Variants in AMZ1 observed in about 807,000 individuals in gnomAD.
AMZ1 encodes the protein archaemetzincin-1.
In AMZ1, 39 loss-of-function variants were observed where a neutral mutation model predicts 29.9. That is an observed-to-expected ratio of 1.30 (90% CI 1.01 to 1.70). AMZ1 has a LOEUF of 1.70. Among genes scored for constraint, AMZ1 ranks in the 40% most tolerant of loss-of-function variants. The pLI is 0.00. For synonymous variants in AMZ1, 458 were observed against 304.0 expected (o/e 1.51, Z -5.27); for missense variants, 1,041 against 680.6 (o/e 1.53, Z -5.89).
intron 4 of AMZ1, among the ~76,000 whole-genome samples, chr7:2,727,182 A>G (rs1370195418): frequency 1.3e-5 from 2 of 152,106 alleles, no homozygotes; most frequent in Admixed American, 1.3e-4. Context: ...ACCGGGTTCA[A>G]GCGATTCTCC....
At chr7:2,732,644 C>T (rs1304419579) in intron 4 of AMZ1, among the ~76,000 whole-genome samples, 6 of 152,178 alleles carry the variant, frequency 3.9e-5, no homozygotes, top group East Asian at 3.8e-4. Context: ...ACACCAAACA[C>T]GGACATGATC....
downstream of AMZ1, among the ~76,000 whole-genome samples, chr7:2,721,779 G>A (rs1362090379): frequency 6.6e-6 from 1 of 151,630 alleles, no homozygotes; most frequent in Non-Finnish European, 1.5e-5. Flanking sequence ...CTTCTCAGCA[G>A]TGGCGGGGGA....
At chr7:2,744,299 C>A (rs1273953360) in intron 4 of AMZ1, among the ~76,000 whole-genome samples, 1 of 152,184 alleles carries the variant, frequency 6.6e-6, no homozygotes, top group South Asian at 2.1e-4. Context: ...CTCACACGGC[C>A]GGGTACTCCT....
intron 2 of AMZ1, among the ~76,000 whole-genome samples, chr7:2,701,331 C>G (rs73283139): frequency 0.032 from 4,838 of 152,238 alleles, 266 homozygotes; most frequent in African/African-American, 0.11. Flanking sequence ...ACCTGTGTGA[C>G]TGGCAGAGCT....
intron 6 of AMZ1, among the ~76,000 whole-genome samples, chr7:2,710,535 C>T (rs371832652): frequency 1.9e-4 from 29 of 152,204 alleles, no homozygotes; most frequent in Non-Finnish European, 3.8e-4. Flanking sequence ...CCGGACCGAG[C>T]CTGTCAGAAT....
chr7:2,687,582 T>G (rs147006150), upstream of AMZ1, among the ~76,000 whole-genome samples: 833 of 152,298 alleles, frequency 5.5e-3, 15 homozygotes, highest in African/African-American at 0.019. Flanking sequence ...GTCCTTTCCA[T>G]CTCCTGGTGG....
intron 4 of AMZ1, among the ~76,000 whole-genome samples, chr7:2,747,903 T>C: frequency 6.6e-6 from 1 of 151,836 alleles, no homozygotes; most frequent in African/African-American, 2.4e-5. Context: ...TGAACTCCCA[T>C]TCACAATTGC....
chr7:2,716,904 G>T lies in AMZ1; in HGVS notation c.*4026G>T, dbSNP rs994473992. Among the ~76,000 whole-genome samples the T allele has an allele frequency of 1.3e-5, 2 of 152,216 alleles. No individual in the cohort carries two copies. Among genetic ancestry groups the T allele is most frequent in the African/African-American group, 4.8e-5 (2 of 41,462 alleles). ...TGGGAAGGGCTGGAGCCTCAGAAAC[G>T]GCAGAGCGGAAGTTGAGGCGCAGTC... is the stretch of plus-strand genomic sequence containing the variant. On this transcript the variant is annotated 3_prime_UTR_variant, in exon 7 of 7. Transcript: ENST00000683327.
chr7:2,758,528 G>A (rs190584986), intron 4 of AMZ1, among the ~76,000 whole-genome samples: 10 of 152,212 alleles, frequency 6.6e-5, no homozygotes, highest in Middle Eastern at 3.4e-3. Flanking sequence ...GTGATGGAAC[G>A]TATCTCCTGT....
intron 4 of AMZ1, among the ~76,000 whole-genome samples, chr7:2,734,185 G>A (rs1008782072): frequency 3.9e-5 from 6 of 152,346 alleles, no homozygotes; most frequent in Admixed American, 6.5e-5. Context: ...CCCCGTTTCA[G>A]GAAGCGCTGA....
Position 2,734,256 on chromosome 7 carries a change from C to T in AMZ1, n.550+24440C>T, listed in dbSNP as rs993084252. On this transcript the variant is annotated intron_variant and non_coding_transcript_variant, in intron 4 of 4. Coordinates refer to the AMZ1 transcript ENST00000489665. ...GAGCCGGGAGAGCGCAACCACCGACCACAGAGCAGCCCGCATATGAACAGG... is the reference window on the plus strand; with the variant it reads ...GAGCCGGGAGAGCGCAACCACCGACTACAGAGCAGCCCGCATATGAACAGG... 7.2e-5 allele frequency among the ~76,000 whole-genome samples: 11 copies of T among 152,188 alleles called. No homozygotes were observed. In the East Asian group the frequency reaches 1.9e-3, roughly 27 times the overall value.
At chr7:2,752,925 T>C (rs1382239768) in intron 4 of AMZ1, among the ~76,000 whole-genome samples, 1 of 152,188 alleles carries the variant, frequency 6.6e-6, no homozygotes, top group Non-Finnish European at 1.5e-5. Context: ...CCTGTCTAGA[T>C]TTGTGTAACC....
downstream of AMZ1, among the ~76,000 whole-genome samples, chr7:2,724,552 C>A (rs1289079563): frequency 6.6e-6 from 1 of 152,062 alleles, no homozygotes; most frequent in Non-Finnish European, 1.5e-5. Context: ...TCCCACCCCA[C>A]CCACGAGGGC....
intron 4 of AMZ1, among the ~76,000 whole-genome samples, chr7:2,755,304 G>C (rs1371358419): frequency 2.0e-5 from 3 of 152,170 alleles, no homozygotes; most frequent in African/African-American, 7.2e-5. Context: ...ATCTTGCTGC[G>C]ATTTTCACAG....
chr7:2,754,819 G>C (rs1212707421), intron 4 of AMZ1, among the ~76,000 whole-genome samples: 2 of 152,158 alleles, frequency 1.3e-5, no homozygotes. Flanking sequence ...CTCAAAATTT[G>C]ATTTCAACGG....
upstream of AMZ1, chr7:2,763,021 A>C: frequency 7.8e-7 from 1 of 1,278,900 alleles, no homozygotes; most frequent in Non-Finnish European, 9.9e-7. Flanking sequence ...CCCGCCGGCC[A>C]CTGGCCCAGG....
chr7:2,710,070 G>A (rs543891800), intron 6 of AMZ1, among the ~76,000 whole-genome samples: 38 of 152,366 alleles, frequency 2.5e-4, no homozygotes, highest in Admixed American at 2.0e-3. Flanking sequence ...GAGTGGGGAC[G>A]AGGGCTTTTC....
intron 4 of AMZ1, among the ~76,000 whole-genome samples, chr7:2,745,901 C>T (rs1338764923): frequency 6.6e-6 from 1 of 152,224 alleles, no homozygotes; most frequent in East Asian, 1.9e-4. Context: ...TTTAAACCAA[C>T]AAAGATCAAA....
chr7:2,758,043 G>A (rs1791385976), intron 4 of AMZ1, among the ~76,000 whole-genome samples: 1 of 152,144 alleles, frequency 6.6e-6, no homozygotes, highest in African/African-American at 2.4e-5. Flanking sequence ...CCTCTTGCTT[G>A]GGGATGAGTC....
Sources: gnomAD v4.1 joint callset for allele counts (sites outside exome capture counted in the v4.1 genomes callset) on GRCh38, gnomAD v4.1.1 for gene constraint, MANE v1.5 for transcripts, NCBI Gene and HGNC (gene_info 2026-07-23, HGNC 2026-07-21) for gene names.